The following ADAMTS3 variants were observed in gnomAD, a reference collection of about 807,000 sequenced individuals.
The protein encoded by ADAMTS3 is ADAM metallopeptidase with thrombospondin type 1 motif 3.
A neutral mutation model predicts 129.0 loss-of-function variants in ADAMTS3; 73 were observed. The observed-to-expected ratio is 0.57, with a 90% CI of 0.47 to 0.69. ADAMTS3 has a LOEUF of 0.69. Ranked by LOEUF, ADAMTS3 falls within the 30% of genes least tolerant of loss-of-function variation. The pLI is 0.00. For synonymous variants in ADAMTS3, 477 were observed against 510.8 expected (o/e 0.93, Z 0.89); for missense variants, 1,457 against 1,514.5 (o/e 0.96, Z 0.63).
chr4:72,536,627 C>G (rs952073633), intron 3 of ADAMTS3, among the ~76,000 whole-genome samples: 3 of 152,214 alleles, frequency 2.0e-5, no homozygotes, highest in Middle Eastern at 6.8e-3. Context: ...GGAAAGAGAC[C>G]TTAGCAAGGT....
chr4:72,446,608 T>A (rs1718260064), intron 3 of ADAMTS3, among the ~76,000 whole-genome samples: 1 of 151,688 alleles, frequency 6.6e-6, no homozygotes, highest in African/African-American at 2.4e-5. Context: ...AAGGCTATGA[T>A]GAAGTCTTCA....
intron 4 of ADAMTS3, among the ~76,000 whole-genome samples, chr4:72,365,993 T>C (rs1197955419): frequency 3.3e-5 from 5 of 152,220 alleles, no homozygotes; most frequent in Non-Finnish European, 1.5e-5. Flanking sequence ...CTCCCAGCAT[T>C]GGACACTGGG....
At chr4:72,501,728 C>T (rs1459095882) in intron 3 of ADAMTS3, among the ~76,000 whole-genome samples, 2 of 152,010 alleles carry the variant, frequency 1.3e-5, no homozygotes, top group African/African-American at 4.8e-5. Flanking sequence ...TGCTTAGTAT[C>T]GTTGTCTCCT....
intron 3 of ADAMTS3, among the ~76,000 whole-genome samples, chr4:72,488,422 C>T (rs1286444671): frequency 1.3e-5 from 2 of 151,998 alleles, no homozygotes; most frequent in Non-Finnish European, 2.9e-5. Context: ...GCTTACTCTT[C>T]TGATAACAAA....
intron 3 of ADAMTS3, among the ~76,000 whole-genome samples, chr4:72,415,959 A>G (rs1427339179): frequency 1.3e-5 from 2 of 151,694 alleles, no homozygotes; most frequent in Admixed American, 6.6e-5. Context: ...TTGGAAATAT[A>G]TATCAGATTT....
At chr4:72,474,573 TA>T (rs934056280) in intron 3 of ADAMTS3, among the ~76,000 whole-genome samples, 110 of 149,334 alleles carry the variant, frequency 7.4e-4, no homozygotes, top group African/African-American at 2.2e-3. Context: ...ACAATATACT[TA>T]AAAAAAAAAT....
At chr4:72,470,801 T>C (rs1578710094) in intron 3 of ADAMTS3, among the ~76,000 whole-genome samples, 1 of 152,086 alleles carries the variant, frequency 6.6e-6, no homozygotes, top group Admixed American at 6.6e-5. Flanking sequence ...TACACACTTA[T>C]GGTAATGACA....
intron 3 of ADAMTS3, among the ~76,000 whole-genome samples, chr4:72,521,558 A>G (rs1442798014): frequency 6.6e-6 from 1 of 152,204 alleles, no homozygotes; most frequent in Non-Finnish European, 1.5e-5. Context: ...GCTCAATGCA[A>G]GTCAGTTTAT....
chr4:72,323,124 A>C (rs1323014824), intron 5 of ADAMTS3, 27 bp from the exon 6 acceptor site: 2 of 1,559,136 alleles, frequency 1.3e-6, no homozygotes, highest in Admixed American at 3.3e-5. Flanking sequence ...ATAATTGCTA[A>C]AAGAAAGGAA....
intron 3 of ADAMTS3, among the ~76,000 whole-genome samples, chr4:72,503,698 T>C (rs1720083990): frequency 6.6e-6 from 1 of 152,200 alleles, no homozygotes; most frequent in Non-Finnish European, 1.5e-5. Context: ...TGTCAGTCAG[T>C]TGTTGAAATC....
chr4:72,299,053 CTGTGTGTGTGTGTG>C (rs60439058), intron 17 of ADAMTS3, among the ~76,000 whole-genome samples: 47 of 138,144 alleles, frequency 3.4e-4, no homozygotes, highest in African/African-American at 5.9e-4. Flanking sequence ...TATTTGCATT[CTGTGTGTGTGTGTG>C]TGTGTGTGTG....
At chr4:72,288,099 C>T (rs1169111762) in intron 21 of ADAMTS3, among the ~76,000 whole-genome samples, 2 of 152,202 alleles carry the variant, frequency 1.3e-5, no homozygotes, top group African/African-American at 2.4e-5. Flanking sequence ...CTCCTGACCT[C>T]AGGTGATTCA....
rs577659036 is a variant in ADAMTS3, at chr4:72,395,661, A to C, written c.661+19154T>G. Among the ~76,000 whole-genome samples, 67 of 152,362 alleles carry C rather than the reference A, an allele frequency of 4.4e-4. 1 individual carries two copies. In the South Asian group the frequency reaches 0.014, roughly 31 times the overall value. On this transcript the variant is annotated intron_variant, in intron 4 of 21. Transcript: ENST00000286657. Reference sequence around the variant, plus strand: ...AAAAGCAGCAATCTCCAAAGCAGAGATTGCAAACACATACAACAACATTTA... The same window carrying C: ...AAAAGCAGCAATCTCCAAAGCAGAGCTTGCAAACACATACAACAACATTTA...
chr4:72,422,812 G>A (rs1722479901), intron 3 of ADAMTS3, among the ~76,000 whole-genome samples: 1 of 152,054 alleles, frequency 6.6e-6, no homozygotes, highest in Non-Finnish European at 1.5e-5. Context: ...GGGAACAAGG[G>A]GTGTGGGATA....
intron 4 of ADAMTS3, among the ~76,000 whole-genome samples, chr4:72,410,696 C>T (rs557506641): frequency 6.6e-6 from 1 of 152,186 alleles, no homozygotes; most frequent in East Asian, 1.9e-4. Context: ...TGAGTTTAGA[C>T]AAATGATTGA....
intron 4 of ADAMTS3, among the ~76,000 whole-genome samples, chr4:72,412,245 TA>T (rs1722201675): frequency 1.3e-5 from 2 of 152,130 alleles, no homozygotes; most frequent in South Asian, 4.1e-4. Context: ...TCTTCCTAAA[TA>T]ACTCATTAAG....
intron 3 of ADAMTS3, among the ~76,000 whole-genome samples, chr4:72,515,924 T>G (rs1352991513): frequency 6.6e-6 from 1 of 152,256 alleles, no homozygotes; most frequent in Admixed American, 6.5e-5. Context: ...GCCTATGTCC[T>G]GAATGGTACT....
intron 3 of ADAMTS3, among the ~76,000 whole-genome samples, chr4:72,443,601 A>G (rs1197398175): frequency 1.3e-5 from 2 of 151,712 alleles, no homozygotes; most frequent in Admixed American, 6.6e-5. Flanking sequence ...CATCTAGGTA[A>G]TCCAGCACAA....
At position 72,555,974 on chromosome 4, in the gene ADAMTS3, T is replaced by A. The variant is rs193109968; in HGVS notation, c.98-7090A>T. Among the ~76,000 whole-genome samples the A allele has an allele frequency of 7.3e-4, 111 of 151,870 alleles. 2 individuals are homozygous for A. The highest frequency in any genetic ancestry group is 3.4e-3 in the Middle Eastern group (1 of 294). On this transcript the variant is annotated intron_variant, in intron 2 of 21. Coordinates refer to ENST00000286657, the MANE Select transcript of ADAMTS3 (RefSeq NM_014243.3). ...CCCCTGTCATGCCTCCTGTATAGCC[T>A]ATGGAACTGTGATTCAATTAAACCT...
Sources: gnomAD v4.1 joint callset for allele counts (sites outside exome capture counted in the v4.1 genomes callset) on GRCh38, gnomAD v4.1.1 for gene constraint, MANE v1.5 for transcripts, NCBI Gene and HGNC (gene_info 2026-07-23, HGNC 2026-07-21) for gene names.